The following FAF1 variants were observed in gnomAD, a reference collection of about 807,000 sequenced individuals.
FAF1 encodes FAS-associated factor 1.
A neutral mutation model predicts 92.5 loss-of-function variants in FAF1; 25 were observed. The ratio of observed to expected loss-of-function variants is 0.27; its 90% CI spans 0.20 to 0.38. The LOEUF (loss-of-function observed/expected upper bound fraction) is 0.38, where lower values mean the gene tolerates loss of function less well. Ranked by LOEUF, FAF1 falls within the 10% of genes least tolerant of loss-of-function variation. The pLI, the probability that FAF1 is intolerant of heterozygous loss-of-function variation, is 1.00. For synonymous variants in FAF1, 234 were observed against 273.2 expected, an observed-to-expected ratio of 0.86 and a Z score of 1.42; for missense variants, 636 against 793.3, an observed-to-expected ratio of 0.80 and a Z score of 2.38.
At chr1:50,574,898 CTTTTTTTT>C (rs891527014) in intron 12 of FAF1, among the ~76,000 whole-genome samples, 17 of 71,446 alleles carry the variant, frequency 2.4e-4, no homozygotes, top group African/African-American at 6.2e-4. Context: ...TGTATTAACT[CTTTTTTTT>C]TTTTTTTTTT....
intron 7 of FAF1, among the ~76,000 whole-genome samples, chr1:50,677,328 A>T (rs543122958): frequency 6.6e-6 from 1 of 152,262 alleles, no homozygotes; most frequent in Non-Finnish European, 1.5e-5. Flanking sequence ...TTTTTTGAGG[A>T]GCAATTTGGC....
intron 1 of FAF1, among the ~76,000 whole-genome samples, chr1:50,894,821 T>C (rs1303911109): frequency 6.6e-6 from 1 of 151,798 alleles, no homozygotes; most frequent in Non-Finnish European, 1.5e-5. Context: ...CTGAAACAAA[T>C]AATAATAAAA....
chr1:50,645,598 G>C (rs1654540516), intron 8 of FAF1, among the ~76,000 whole-genome samples: 1 of 152,176 alleles, frequency 6.6e-6, no homozygotes. Context: ...CCGAAGGCGG[G>C]GAGAACCTGA....
chr1:50,934,660 G>A (rs1645072775), intron 1 of FAF1, among the ~76,000 whole-genome samples: 1 of 152,128 alleles, frequency 6.6e-6, no homozygotes. Context: ...GGAAATCAAG[G>A]CTGCAATAAG....
At chr1:50,678,773 T>G (rs1656272464) in intron 7 of FAF1, among the ~76,000 whole-genome samples, 1 of 37,596 alleles carries the variant, frequency 2.7e-5, no homozygotes, top group Non-Finnish European at 4.5e-5. Flanking sequence ...AGAGACTCCA[T>G]CTCAAAAAAA....
At chr1:50,467,480 A>AT (rs1646512128) in intron 18 of FAF1, among the ~76,000 whole-genome samples, 2 of 151,866 alleles carry the variant, frequency 1.3e-5, no homozygotes, top group African/African-American at 4.8e-5. Context: ...TGCCTGGCTA[A>AT]TTTTTTGTAT....
intron 4 of FAF1, among the ~76,000 whole-genome samples, chr1:50,747,789 G>A (rs1455051301): frequency 6.6e-6 from 1 of 152,182 alleles, no homozygotes; most frequent in Admixed American, 6.5e-5. Context: ...ACTGAATCAT[G>A]TGTGACAGAT....
intron 18 of FAF1, among the ~76,000 whole-genome samples, chr1:50,455,689 C>T (rs1180425671): frequency 1.3e-5 from 2 of 152,132 alleles, no homozygotes; most frequent in Non-Finnish European, 2.9e-5. Flanking sequence ...GAAAAAAAGA[C>T]CCAGAGACGT....
intron 2 of FAF1, among the ~76,000 whole-genome samples, chr1:50,836,411 A>G (rs1020563564): frequency 6.6e-6 from 1 of 151,784 alleles, no homozygotes; most frequent in Non-Finnish European, 1.5e-5. Flanking sequence ...ATAATAAATA[A>G]GTATTGAACA....
chr1:50,923,979 G>C (rs1340356171), intron 1 of FAF1, among the ~76,000 whole-genome samples: 3 of 152,232 alleles, frequency 2.0e-5, no homozygotes, highest in Non-Finnish European at 2.9e-5. Context: ...TGAATGGGGA[G>C]AAACTGAAAC....
intron 6 of FAF1, among the ~76,000 whole-genome samples, chr1:50,706,456 G>A (rs986643092): frequency 6.6e-6 from 1 of 152,076 alleles, no homozygotes; most frequent in South Asian, 2.1e-4. Context: ...AGAAATCATA[G>A]CAACATTTTG....
chr1:50,629,751 G>T (rs940605741), intron 8 of FAF1, among the ~76,000 whole-genome samples: 6 of 151,960 alleles, frequency 3.9e-5, no homozygotes, highest in Non-Finnish European at 8.8e-5. Flanking sequence ...ATTGATTAAC[G>T]TGAAGATTAA....
At chr1:50,877,868 T>C (rs528596996) in intron 1 of FAF1, among the ~76,000 whole-genome samples, 5 of 152,268 alleles carry the variant, frequency 3.3e-5, no homozygotes, top group Admixed American at 2.0e-4. Context: ...TCAGAGCACA[T>C]AGTACTTGCT....
At chr1:50,928,724 A>C (rs1645025124) in intron 1 of FAF1, among the ~76,000 whole-genome samples, 1 of 147,394 alleles carries the variant, frequency 6.8e-6, no homozygotes, top group South Asian at 2.2e-4. Flanking sequence ...TGGAGGTTGC[A>C]CTGAACCGAA....
rs17106371 is a variant in FAF1, at chr1:50,830,957, A to T, written c.114+26972T>A. Among the ~76,000 whole-genome samples the T allele has an allele frequency of 6.5e-3, 986 of 152,272 alleles. 19 individuals are homozygous for T. The highest frequency in any genetic ancestry group is 0.023 in the African/African-American group (942 of 41,554). On this transcript the variant is annotated intron_variant, in intron 2 of 18. Transcript: ENST00000396153. ...AAAGAGTATAATGAAAATATACTTG[A>T]CCCATCATTTGTAAGTAAACATTAT...
intron 14 of FAF1, among the ~76,000 whole-genome samples, chr1:50,536,099 A>C (rs1385894814): frequency 6.6e-6 from 1 of 152,138 alleles, no homozygotes; most frequent in East Asian, 1.9e-4. Flanking sequence ...TAGTAATTCA[A>C]TTTCTGAAAA....
chr1:50,791,769 C>G (rs1661571685), intron 3 of FAF1, among the ~76,000 whole-genome samples: 1 of 152,190 alleles, frequency 6.6e-6, no homozygotes, highest in African/African-American at 2.4e-5. Flanking sequence ...CATGTTACCA[C>G]TTTTTGCTCT....
At chr1:50,486,017 T>C (rs1394610646) in intron 17 of FAF1, among the ~76,000 whole-genome samples, 2 of 152,134 alleles carry the variant, frequency 1.3e-5, no homozygotes, top group African/African-American at 4.8e-5. Context: ...CAATTTGATA[T>C]TAGATTTGGG....
chr1:50,618,827 C>T (rs1653058839), intron 8 of FAF1, among the ~76,000 whole-genome samples: 1 of 151,806 alleles, frequency 6.6e-6, no homozygotes. Flanking sequence ...CAGCTCACTG[C>T]AGCATCTGCC....
Sources: gnomAD v4.1 joint callset for allele counts (sites outside exome capture counted in the v4.1 genomes callset) on GRCh38, gnomAD v4.1.1 for gene constraint, MANE v1.5 for transcripts, NCBI Gene and HGNC (gene_info 2026-07-23, HGNC 2026-07-21) for gene names.